ZC3H3: variants seen among roughly 807,000 people sequenced by gnomAD.
ZC3H3 encodes the protein zinc finger CCCH-type containing 3, also known as zinc finger CCCH domain-containing protein 3.
Under a neutral mutation model 77.3 loss-of-function variants are expected in ZC3H3, and 36 were observed. The ratio of observed to expected loss-of-function variants is 0.47; its 90% confidence interval spans 0.36 to 0.61. The LOEUF is 0.61. Ranked by LOEUF, ZC3H3 falls within the 20% of genes least tolerant of loss-of-function variation. The pLI is 0.00. For missense variants in ZC3H3, 1,331 were observed against 1,312.2 expected (o/e 1.01, Z -0.22); for synonymous variants, 626 against 555.2 (o/e 1.13, Z -1.79).
At chr8:143,457,764 C>T (rs1014378900) in intron 9 of ZC3H3, among the ~76,000 whole-genome samples, 10 of 151,938 alleles carry the variant, frequency 6.6e-5, no homozygotes, top group Non-Finnish European at 1.2e-4. Flanking sequence ...CTACTCAGGA[C>T]GCTGAGGCAG....
chr8:143,484,551 T>C (rs1287416973), intron 4 of ZC3H3: 1 of 155,166 alleles, frequency 6.4e-6, no homozygotes, highest in Admixed American at 6.4e-5. Flanking sequence ...TATTGGTGTT[T>C]TGTATGTCAG....
chr8:143,483,121 G>A (rs1160953408), intron 4 of ZC3H3, among the ~76,000 whole-genome samples: 3 of 152,192 alleles, frequency 2.0e-5, no homozygotes, highest in African/African-American at 4.8e-5. Flanking sequence ...CGGGGAGTGC[G>A]AAGTCAGCAG....
chr8:143,474,661 G>A (rs757293948), intron 5 of ZC3H3, among the ~76,000 whole-genome samples: 9 of 152,308 alleles, frequency 5.9e-5, no homozygotes, highest in East Asian at 1.9e-4. Context: ...GGTCCCAGGC[G>A]GGTCGGGGAG....
intron 4 of ZC3H3, among the ~76,000 whole-genome samples, chr8:143,482,949 G>A (rs1820946866): frequency 6.6e-6 from 1 of 152,242 alleles, no homozygotes; most frequent in Non-Finnish European, 1.5e-5. Flanking sequence ...CTAGGCCGGG[G>A]TTGTGTCTGT....
chr8:143,531,505 G>A (rs1221042078), intron 3 of ZC3H3, among the ~76,000 whole-genome samples: 3 of 152,244 alleles, frequency 2.0e-5, no homozygotes, highest in African/African-American at 4.8e-5. Context: ...GTCCCCAGGC[G>A]TGAGCGGCCA....
intron 3 of ZC3H3, among the ~76,000 whole-genome samples, chr8:143,512,104 C>A (rs1356974081): frequency 6.6e-6 from 1 of 152,254 alleles, no homozygotes; most frequent in African/African-American, 2.4e-5. Flanking sequence ...GCCAGACCCA[C>A]AGAACAGGCC....
Position 143,440,080 on chromosome 8 carries a change from T to C in ZC3H3, c.2776A>G (p.Arg926Gly), listed in dbSNP as rs1399986954. The C allele has an allele frequency of 1.9e-6, 3 of 1,596,302 alleles. No individual in the cohort carries two copies. Among genetic ancestry groups the C allele is most frequent in the South Asian group, 2.3e-5 (2 of 88,702 alleles). ...QSSPSPGAQP[R>G]VRAPRAPLTK... ...AGGGGGGCCCTAGGGGCCCGGACCC[T>C]GGGCTGGGCTCCTGGGCTCGGCGAG... Residue 926 changes from arginine to glycine, a missense_variant, in exon 11 of 12, where the codon AGG becomes GGG. Around this residue, in one of 3 missense-constraint regions of ZC3H3, gnomAD observed 249 missense variants for 236.9 expected, o/e 1.05. Transcript: ENST00000262577.
intron 4 of ZC3H3, among the ~76,000 whole-genome samples, chr8:143,501,442 G>A (rs927985975): frequency 2.6e-5 from 4 of 152,112 alleles, no homozygotes; most frequent in Non-Finnish European, 4.4e-5. Context: ...GAGCTCAAGC[G>A]GTCCACCTGC....
chr8:143,438,761 C>T (rs567703237), intron 11 of ZC3H3, among the ~76,000 whole-genome samples: 2 of 152,340 alleles, frequency 1.3e-5, no homozygotes, highest in East Asian at 1.9e-4. Flanking sequence ...GAGATGTCTC[C>T]GTGTAGCTGC....
At chr8:143,478,026 C>T (rs1288367805) in intron 4 of ZC3H3, among the ~76,000 whole-genome samples, 2 of 152,126 alleles carry the variant, frequency 1.3e-5, no homozygotes, top group South Asian at 4.2e-4. Context: ...GGGGAAGCAC[C>T]CAATCCTGCA....
intron 3 of ZC3H3, among the ~76,000 whole-genome samples, chr8:143,510,629 G>C (rs1357227159): frequency 6.6e-6 from 1 of 152,246 alleles, no homozygotes; most frequent in Non-Finnish European, 1.5e-5. Context: ...GGCGTGGGCA[G>C]GTGGCAAGGC....
chr8:143,468,364 G>A lies in ZC3H3; in HGVS notation c.2105+18C>T. 6.2e-7 allele frequency: 1 copy of A among 1,612,132 alleles called. No homozygotes were observed. Among genetic ancestry groups the A allele is most frequent in the Non-Finnish European group, 8.5e-7 (1 of 1,179,342 alleles). On this transcript the variant is annotated intron_variant, in intron 7 of 11. Transcript: ENST00000262577. Reference sequence around the variant, plus strand: ...GCACAGAACCTCCCCCAGGCCCACAGCGAGGGCAGGAGGGCACCTGGTGCA... The same window carrying A: ...GCACAGAACCTCCCCCAGGCCCACAACGAGGGCAGGAGGGCACCTGGTGCA...
At chr8:143,528,118 C>T (rs1056072474) in intron 3 of ZC3H3, among the ~76,000 whole-genome samples, 12 of 152,186 alleles carry the variant, frequency 7.9e-5, no homozygotes, top group Non-Finnish European at 1.3e-4. Flanking sequence ...GCCCTGGCAC[C>T]CTCCCCCACT....
At chr8:143,484,128 C>T (rs374832751) in intron 4 of ZC3H3, among the ~76,000 whole-genome samples, 1 of 152,208 alleles carries the variant, frequency 6.6e-6, no homozygotes, top group Non-Finnish European at 1.5e-5. Context: ...GCCTTGAGTG[C>T]GACTGGTCCA....
chr8:143,472,351 C>T (rs566252678), intron 5 of ZC3H3, among the ~76,000 whole-genome samples: 15 of 152,350 alleles, frequency 9.8e-5, no homozygotes, highest in South Asian at 4.1e-4. Context: ...AGTGTGGTGA[C>T]GTCAGGGGCT....
chr8:143,499,207 T>C (rs1357537185), intron 4 of ZC3H3, among the ~76,000 whole-genome samples: 1 of 152,106 alleles, frequency 6.6e-6, no homozygotes, highest in Non-Finnish European at 1.5e-5. Flanking sequence ...GGCTCACTCC[T>C]GGCCGTCAGG....
At chr8:143,461,363 G>A (rs1016948199) in intron 9 of ZC3H3, among the ~76,000 whole-genome samples, 3 of 152,168 alleles carry the variant, frequency 2.0e-5, no homozygotes, top group African/African-American at 4.8e-5. Context: ...CAGAGCTAGC[G>A]AGGAAGTAAG....
chr8:143,471,323 A>C (rs1820557004), intron 5 of ZC3H3, among the ~76,000 whole-genome samples: 1 of 152,212 alleles, frequency 6.6e-6, no homozygotes, highest in African/African-American at 2.4e-5. Context: ...CAGAAGAGGC[A>C]GTGTGGGGCG....
At position 143,539,082 on chromosome 8, in the gene ZC3H3, C is replaced by T. The variant is rs1055496731; in HGVS notation, c.285G>A (p.Leu95=). The change falls in exon 2 of 12, where the codon TTG becomes TTA. Residue 95 remains leucine, a synonymous_variant. Transcript: ENST00000262577. The stretch of plus-strand genomic sequence containing the variant: ...GAGGCTGGCCCCCCCGGGCCCCGTG[C>T]AACGGCCGCACAGCATGGTCGGCAG... ...DPPADHAVRP[L]HGARGGQPPV... The T allele has an allele frequency of 6.2e-7, 1 of 1,612,948 alleles. No homozygotes were observed.
Sources: allele counts gnomAD v4.1 joint callset (sites outside exome capture counted in the v4.1 genomes callset), GRCh38; gene constraint gnomAD v4.1.1; regional missense constraint gnomAD v4.1.1; transcripts MANE v1.5; gene names NCBI Gene and HGNC (gene_info 2026-07-23, HGNC 2026-07-21).